INSYN2A: variants seen among roughly 807,000 people sequenced by gnomAD.
INSYN2A encodes the protein family with sequence similarity 196 member A.
In INSYN2A, 17 loss-of-function variants were observed where a neutral mutation model predicts 39.4. The observed-to-expected ratio is 0.43, with a 90% CI of 0.30 to 0.65. The LOEUF is 0.65. Ranked by LOEUF, INSYN2A falls within the 30% of genes least tolerant of loss-of-function variation. INSYN2A has a pLI of 0.14. For missense variants in INSYN2A, 595 were observed against 631.2 expected (o/e 0.94, Z 0.61); for synonymous variants, 255 against 265.7 (o/e 0.96, Z 0.39).
rs751794894 is a variant in INSYN2A at position 127,175,542 on chromosome 10, T to C, written c.854A>G (p.Asp285Gly). 3.1e-6 allele frequency: 5 copies of C among 1,611,098 alleles called. No homozygotes were observed. The South Asian group carries it at 4.4e-5, about 14-fold the overall frequency. Residue 285 changes from aspartate to glycine, a missense_variant, in exon 4 of 6, where the codon GAT becomes GGT. Asp to Gly is a moderately conservative substitution (Grantham distance 94). Transcript: ENST00000522781. The surrounding 1 kb of genome is among the most constrained non-coding windows in gnomAD (Gnocchi z 6.3). Reference protein sequence around the residue: ...AASQWSLCPADDERRRATHLN... With the variant: ...AASQWSLCPAGDERRRATHLN... ...ATGTGTGGCTCTCCTCCGCTCGTCA[T>C]CTGCCGGGCAGAGTGACCACTGGCT... is the stretch of plus-strand genomic sequence containing the variant.
intron 2 of INSYN2A, among the ~76,000 whole-genome samples, chr10:127,190,904 C>T (rs1029159544): frequency 1.3e-5 from 2 of 152,028 alleles, no homozygotes; most frequent in Non-Finnish European, 2.9e-5. Context: ...AACTCCTCTC[C>T]TCTGGTTTGC....
At chr10:127,186,846 C>T (rs1471297503) in intron 2 of INSYN2A, among the ~76,000 whole-genome samples, 1 of 151,934 alleles carries the variant, frequency 6.6e-6, no homozygotes, top group East Asian at 1.9e-4. Flanking sequence ...GAGAGAAATG[C>T]ACAGACAAAC....
chr10:127,174,370 C>T (rs1288742329), intron 4 of INSYN2A, among the ~76,000 whole-genome samples: 1 of 152,196 alleles, frequency 6.6e-6, no homozygotes, highest in Non-Finnish European at 1.5e-5. Flanking sequence ...GTAGAACAGG[C>T]TGCTTTGTAT....
In INSYN2A at chr10:127,175,469, G is replaced by T; in HGVS notation, c.927C>A (p.Pro309=). The part of the protein sequence containing the change: ...APSETALACS[P]PMQCLSPECS... ...ATTCGGGGGACAGGCACTGCATCGG[G>T]GGTGAGCAGGCCAGGGCAGTTTCCG... Residue 309 remains proline (P), a synonymous_variant, in exon 4 of 6, where the codon CCC becomes CCA. Transcript: ENST00000522781. This position sits in a 1 kb window ranked among gnomAD's most constrained non-coding sequence, Gnocchi z 6.3. 2.5e-6 allele frequency: 4 copies of T among 1,609,936 alleles called. No individual in the cohort carries two copies. Among genetic ancestry groups the T allele is most frequent in the Non-Finnish European group, 3.4e-6 (4 of 1,180,008 alleles).
At chr10:127,164,446 G>T (rs1236817841) in intron 4 of INSYN2A, among the ~76,000 whole-genome samples, 1 of 152,074 alleles carries the variant, frequency 6.6e-6, no homozygotes, top group African/African-American at 2.4e-5. Context: ...GCCTCCCAGA[G>T]TGTTGGGATT....
At chr10:127,167,606 C>G (rs1242051075) in intron 4 of INSYN2A, among the ~76,000 whole-genome samples, 1 of 152,070 alleles carries the variant, frequency 6.6e-6, no homozygotes, top group Non-Finnish European at 1.5e-5. Flanking sequence ...AAAGGAGCCT[C>G]TAGGGCCTCT....
chr10:127,174,547 T>A (rs1403267071), intron 4 of INSYN2A, among the ~76,000 whole-genome samples: 2 of 152,116 alleles, frequency 1.3e-5, no homozygotes, highest in Non-Finnish European at 2.9e-5. Context: ...GGCCGTGAAG[T>A]TAGTATCATT....
chr10:127,162,848 T>C (rs920849946), intron 4 of INSYN2A, among the ~76,000 whole-genome samples: 16 of 152,260 alleles, frequency 1.1e-4, no homozygotes, highest in Admixed American at 1.0e-3. Flanking sequence ...AACAGTTGCT[T>C]GGAAGAATAA....
intron 4 of INSYN2A, among the ~76,000 whole-genome samples, chr10:127,156,535 TTTCTTCTTCTTC>T (rs542677102): frequency 2.7e-4 from 25 of 94,188 alleles, no homozygotes; most frequent in East Asian, 1.9e-3. Context: ...CTTTTCTCTT[TTTCTTCTTCTTC>T]TTCTTCTTCT....
intron 1 of INSYN2A, among the ~76,000 whole-genome samples, chr10:127,194,317 A>G (rs2056949750): frequency 6.6e-6 from 1 of 152,232 alleles, no homozygotes; most frequent in South Asian, 2.1e-4. Context: ...GTAAACATGG[A>G]TAGTAAATGA....
chr10:127,143,491 C>G (rs2051473367), intron 5 of INSYN2A, among the ~76,000 whole-genome samples: 1 of 152,236 alleles, frequency 6.6e-6, no homozygotes, highest in Non-Finnish European at 1.5e-5. Context: ...CTGAGATGTG[C>G]TCCCACTTCT....
chr10:127,192,880 T>C (rs1446259749), intron 1 of INSYN2A, 150 bp from the exon 2 acceptor site: 1 of 152,212 alleles, frequency 6.6e-6, no homozygotes, highest in Non-Finnish European at 1.5e-5. Flanking sequence ...CTGTATTCTG[T>C]CCTTAATGTA....
chr10:127,168,472 A>G (rs1399251983), intron 4 of INSYN2A, among the ~76,000 whole-genome samples: 1 of 152,224 alleles, frequency 6.6e-6, no homozygotes, highest in Non-Finnish European at 1.5e-5. Flanking sequence ...TCTGTGATGC[A>G]TCTGGCCAGA....
At chr10:127,162,200 T>A (rs2053647944) in intron 4 of INSYN2A, among the ~76,000 whole-genome samples, 1 of 152,228 alleles carries the variant, frequency 6.6e-6, no homozygotes, top group Admixed American at 6.5e-5. Context: ...AATGTCTTTC[T>A]GGGGAAGGGC....
At chr10:127,138,044 C>T (rs1254198646) in intron 5 of INSYN2A, 24 bp from the exon 6 acceptor site, 1 of 1,576,080 alleles carries the variant, frequency 6.3e-7, no homozygotes, top group Non-Finnish European at 8.6e-7. Flanking sequence ...AGAGTGAAGA[C>T]TTTAGCATTT....
At chr10:127,162,700 A>G (rs1448387539) in intron 4 of INSYN2A, among the ~76,000 whole-genome samples, 12 of 152,132 alleles carry the variant, frequency 7.9e-5, no homozygotes. Flanking sequence ...AGTTATTTCT[A>G]CTTAGTGTTC....
At chr10:127,190,779 A>G (rs937273692) in intron 2 of INSYN2A, among the ~76,000 whole-genome samples, 7 of 147,018 alleles carry the variant, frequency 4.8e-5, no homozygotes, top group Admixed American at 2.1e-4. Flanking sequence ...CTATCTTGCC[A>G]CATTACAAAG....
chr10:127,195,837 T>A (rs900405051), intron 1 of INSYN2A, among the ~76,000 whole-genome samples, 160 bp downstream of exon 1: 1 of 152,066 alleles, frequency 6.6e-6, no homozygotes, highest in Admixed American at 6.5e-5. Context: ...TGCACCGGGG[T>A]GTCCCGGCCC....
chr10:127,173,509 C>G (rs918831061), intron 4 of INSYN2A, among the ~76,000 whole-genome samples: 5 of 152,106 alleles, frequency 3.3e-5, no homozygotes, highest in African/African-American at 1.2e-4. Flanking sequence ...GTGTTCAGCC[C>G]TCTCAGGTTC....
Sources: allele counts gnomAD v4.1 joint callset (sites outside exome capture counted in the v4.1 genomes callset), GRCh38; gene constraint gnomAD v4.1.1; non-coding constraint Gnocchi (gnomAD v3.1); transcripts MANE v1.5; gene names NCBI Gene and HGNC (gene_info 2026-07-23, HGNC 2026-07-21).